Variants in CUX1 observed in about 807,000 individuals in gnomAD.
CUX1 encodes the protein cut like homeobox 1, also known as protein CASP.
CUX1 carries 31 observed loss-of-function variants against 158.8 expected under a neutral mutation model. The ratio of observed to expected loss-of-function variants is 0.20; its 90% CI spans 0.15 to 0.26. The LOEUF is 0.26. Ranked by LOEUF, CUX1 falls within the 10% of genes least tolerant of loss-of-function variation. The pLI, the probability that CUX1 is intolerant of heterozygous loss-of-function variation, is 1.00. For missense variants in CUX1, 1,589 were observed against 2,014.6 expected, an observed-to-expected ratio of 0.79 and a Z score of 4.04; for synonymous variants, 879 against 862.1, an observed-to-expected ratio of 1.02 and a Z score of -0.34.
At chr7:101,860,449 A>G (rs1306687180) in intron 1 of CUX1, among the ~76,000 whole-genome samples, 1 of 152,212 alleles carries the variant, frequency 6.6e-6, no homozygotes, top group Non-Finnish European at 1.5e-5. Context: ...TAAAACATAA[A>G]TGAACAATAT....
At chr7:101,817,492 G>T, upstream of CUX1, 1 of 1,115,318 alleles carries the variant, frequency 9.0e-7, no homozygotes, top group South Asian at 4.4e-5. This position sits in a 1 kb window ranked among gnomAD's most constrained non-coding sequence, Gnocchi z 4.1. Context: ...GGGCTCCCCG[G>T]CCCGCGCCCG....
rs527925065 is a variant in CUX1, at chr7:102,127,610, T to C, written c.674+12337T>C. 5.3e-5 allele frequency among the ~76,000 whole-genome samples: 8 copies of C among 152,252 alleles called. No individual in the cohort carries two copies. The South Asian group carries it at 1.5e-3, about 28-fold the overall frequency. Reference sequence around the variant, plus strand: ...TTTTTTACCTGACATGTTGTAAATATTTCTTGCTTATCATTAAATATTCTT... The same window carrying C: ...TTTTTTACCTGACATGTTGTAAATACTTCTTGCTTATCATTAAATATTCTT... On this transcript the variant is annotated intron_variant, in intron 8 of 23. Coordinates refer to ENST00000292535, the MANE Select transcript of CUX1 (RefSeq NM_181552.4).
At chr7:101,917,876 C>T (rs752218050) in intron 2 of CUX1, among the ~76,000 whole-genome samples, 8 of 152,160 alleles carry the variant, frequency 5.3e-5, no homozygotes, top group Non-Finnish European at 8.8e-5. Flanking sequence ...TGGCTCACGC[C>T]TATAATTTCA....
chr7:102,269,621 G>T (rs996863619), intron 14 of CUX1, among the ~76,000 whole-genome samples: 3 of 121,916 alleles, frequency 2.5e-5, no homozygotes, highest in African/African-American at 9.9e-5. Context: ...ACGAGTTTTC[G>T]CCATGTTGGC....
intron 1 of CUX1, among the ~76,000 whole-genome samples, chr7:101,829,483 G>C (rs953602735): frequency 6.6e-6 from 1 of 152,122 alleles, no homozygotes; most frequent in African/African-American, 2.4e-5. Context: ...GTGAGAAGCC[G>C]GGAGTTGGGG....
At position 101,902,251 on chromosome 7, in the gene CUX1, G is replaced by A. The variant is rs76720577; in HGVS notation, c.31-13864G>A. ...CTCCTGCTATGATTTCGACAAAGCC[G>A]GTCAGTCATCTGATCATCAGCTTCC... On this transcript the variant is annotated intron_variant, in intron 1 of 23. Coordinates refer to ENST00000292535, the MANE Select transcript of CUX1 (RefSeq NM_181552.4). Among the ~76,000 whole-genome samples, 318 of 152,244 alleles carry A rather than the reference G, an allele frequency of 2.1e-3. 7 individuals carry two copies. The East Asian group carries it at 0.052, about 25-fold the overall frequency.
chr7:102,184,897 C>T (rs1027439870), intron 11 of CUX1, among the ~76,000 whole-genome samples: 8 of 152,150 alleles, frequency 5.3e-5, no homozygotes, highest in Non-Finnish European at 8.8e-5. Context: ...CCTCCTGCCT[C>T]GGCCTCCCAA....
At chr7:102,037,272 T>G (rs1298447692) in intron 3 of CUX1, among the ~76,000 whole-genome samples, 1 of 152,202 alleles carries the variant, frequency 6.6e-6, no homozygotes, top group Non-Finnish European at 1.5e-5. Context: ...AAGGAGAGTC[T>G]TAGATCAAAG....
intron 8 of CUX1, among the ~76,000 whole-genome samples, chr7:102,144,867 A>T (rs945214204): frequency 6.6e-6 from 1 of 151,556 alleles, no homozygotes; most frequent in Non-Finnish European, 1.5e-5. Context: ...GTGGGTGGAT[A>T]ACTTGAGGTC....
chr7:101,887,933 C>T (rs539712416), intron 1 of CUX1, among the ~76,000 whole-genome samples: 5 of 150,750 alleles, frequency 3.3e-5, no homozygotes, highest in South Asian at 2.1e-4. Flanking sequence ...GGTCCCTCTG[C>T]GTGCCCACTC....
chr7:102,180,780 C>G (rs1389995400), intron 11 of CUX1, among the ~76,000 whole-genome samples: 1 of 151,832 alleles, frequency 6.6e-6, no homozygotes, highest in Non-Finnish European at 1.5e-5. Context: ...GTGAATTTCA[C>G]CCATTCACTG....
intron 10 of CUX1, among the ~76,000 whole-genome samples, chr7:102,173,941 T>C (rs1045552474): frequency 6.6e-6 from 1 of 151,810 alleles, no homozygotes; most frequent in Non-Finnish European, 1.5e-5. Flanking sequence ...GGAAAAATGG[T>C]CTGTTGGGCT....
At chr7:102,112,104 T>TACA in intron 7 of CUX1, 1 of 117,060 alleles carries the variant, frequency 8.5e-6, no homozygotes, top group Non-Finnish European at 1.7e-5. Flanking sequence ...GGAACAATAA[T>TACA]AGAAAAAAAA....
At chr7:102,072,803 C>T (rs868359104) in intron 4 of CUX1, among the ~76,000 whole-genome samples, 84 of 152,120 alleles carry the variant, frequency 5.5e-4, no homozygotes, top group Middle Eastern at 3.2e-3. Flanking sequence ...TTTTCTTGTG[C>T]ATAAGGTAGT....
chr7:101,858,732 C>T (rs1176237559), intron 1 of CUX1, among the ~76,000 whole-genome samples: 1 of 135,528 alleles, frequency 7.4e-6, no homozygotes, highest in African/African-American at 2.8e-5. Flanking sequence ...GTGGCACGAT[C>T]TTAGCTCACT....
intron 7 of CUX1, among the ~76,000 whole-genome samples, chr7:102,114,541 T>C (rs1831249635): frequency 6.6e-6 from 1 of 152,178 alleles, no homozygotes. Flanking sequence ...CCTCCCAAAG[T>C]GTGAGCCACC....
rs528594581 is a variant in CUX1, at chr7:101,916,371, C to G, written c.141+146C>G. On this transcript the variant is annotated intron_variant, in intron 2 of 23. Coordinates refer to ENST00000292535, the MANE Select transcript of CUX1 (RefSeq NM_181552.4). This position sits in a 1 kb window ranked among gnomAD's most constrained non-coding sequence, Gnocchi z 4.4. ...TTTCTTTCCCCAGATGTCTTCAGCC[C>G]CATTTCCAGCAGAACGCATGCCATC... 1.7e-6 allele frequency: 1 copy of G among 581,608 alleles called. No homozygotes were observed. Among genetic ancestry groups the G allele is most frequent in the East Asian group, 3.1e-5 (1 of 32,478 alleles). 36.0% of individuals were successfully genotyped at this position (581,608 alleles called of 1,614,324 possible).
At chr7:102,135,882 G>A (rs544040620) in intron 8 of CUX1, among the ~76,000 whole-genome samples, 151 of 152,058 alleles carry the variant, frequency 9.9e-4, no homozygotes, top group Non-Finnish European at 1.9e-3. Flanking sequence ...GGCTGAGGCA[G>A]GAGAATCCTT....
intron 3 of CUX1, among the ~76,000 whole-genome samples, chr7:102,067,450 C>T (rs1825669676): frequency 6.6e-6 from 1 of 151,608 alleles, no homozygotes; most frequent in Non-Finnish European, 1.5e-5. Context: ...CTTGACCAGG[C>T]TGGTCTTAAA....
Sources: allele counts gnomAD v4.1 joint callset (sites outside exome capture counted in the v4.1 genomes callset), GRCh38; gene constraint gnomAD v4.1.1; non-coding constraint Gnocchi (gnomAD v3.1); transcripts MANE v1.5; gene names NCBI Gene and HGNC (gene_info 2026-07-23, HGNC 2026-07-21).